Variants in PZP observed in about 807,000 individuals in gnomAD.
PZP encodes the protein pregnancy zone protein.
Under a neutral mutation model 179.8 loss-of-function variants are expected in PZP, and 150 were observed. That is an observed-to-expected ratio of 0.83 (90% confidence interval 0.73 to 0.96). PZP has a LOEUF of 0.96. Among genes scored for constraint, PZP ranks in the 40% least tolerant of loss-of-function variants. PZP has a pLI of 0.00. For missense variants in PZP, 1,689 were observed against 1,764.0 expected (o/e 0.96, Z 0.76); for synonymous variants, 624 against 652.3 (o/e 0.96, Z 0.66).
At position 9,192,756 on chromosome 12, in the gene PZP, G is replaced by A; in HGVS notation, c.1255-17C>T. ...AGTGAAAACCTGAGTAAACAGAAAA[G>A]CAAAGAAAGAATACTGTCTTGAAAT... On this transcript the variant is annotated splice_polypyrimidine_tract_variant and intron_variant, in intron 11 of 35. Transcript: ENST00000261336. The A allele has an allele frequency of 6.5e-7, 1 of 1,531,306 alleles. No individual in the cohort carries two copies. Among genetic ancestry groups the A allele is most frequent in the Non-Finnish European group, 9.0e-7 (1 of 1,107,472 alleles). The allele number at this position is 1,531,306 out of a possible 1,614,324, so 94.9% of individuals were successfully genotyped here.
At position 9,201,021 on chromosome 12, in the gene PZP, T is replaced by G. The variant is rs1944124785; in HGVS notation, c.541A>C (p.Lys181Gln). 6.2e-7 allele frequency: 1 copy of G among 1,613,978 alleles called. No homozygotes were observed. Among genetic ancestry groups the G allele is most frequent in the Non-Finnish European group, 8.5e-7 (1 of 1,179,986 alleles). ...RNRIAQWQSL[K>Q]LEAGINQLSF... ...AACTGATTGATGCCAGCTTCTAGCT[T>G]GAGACTCTGCCATTGTGCAATTCGA... Residue 181 changes from lysine to glutamine, a missense_variant, in exon 6 of 36, where the codon AAG becomes CAG. Lys to Gln is a moderately conservative substitution (Grantham distance 53). This residue lies in a region of PZP where 742 missense variants were observed against 730.5 expected (regional missense o/e 1.02). Transcript: ENST00000261336.
chr12:9,183,602 A>C (rs1432678382), intron 13 of PZP, among the ~76,000 whole-genome samples: 1 of 152,074 alleles, frequency 6.6e-6, no homozygotes, highest in African/African-American at 2.4e-5. Flanking sequence ...GGATCTTGCT[A>C]TGTAGCCCAG....
At chr12:9,165,815 T>C (rs1445748900) in intron 18 of PZP, among the ~76,000 whole-genome samples, 2 of 152,240 alleles carry the variant, frequency 1.3e-5, no homozygotes, top group African/African-American at 4.8e-5. Flanking sequence ...TGAATATTTA[T>C]AGTTCTCATG....
At chr12:9,142,666 C>T in the PZP span, among the ~76,000 whole-genome samples, 1 of 152,106 alleles carries the variant, frequency 6.6e-6, no homozygotes, top group East Asian at 1.9e-4. Context: ...GAAGAAAATC[C>T]AGTAGTTATA....
At chr12:9,149,633 C>T (rs752361049) in intron 34 of PZP, 31 bp from the exon 35 acceptor site, 69 of 1,606,906 alleles carry the variant, frequency 4.3e-5, no homozygotes, top group Middle Eastern at 1.7e-4. Context: ...AAGGAAGAAA[C>T]GAAAGATCTA....
chr12:9,149,937 A>G (rs1273201874), intron 34 of PZP, among the ~76,000 whole-genome samples: 1 of 152,108 alleles, frequency 6.6e-6, no homozygotes, highest in African/African-American at 2.4e-5. Context: ...ATTACTTTTC[A>G]AAGATTATTG....
At chr12:9,140,772 T>TA in the PZP span, among the ~76,000 whole-genome samples, 5 of 152,176 alleles carry the variant, frequency 3.3e-5, no homozygotes, top group African/African-American at 1.2e-4. Flanking sequence ...ATTCTTTACT[T>TA]ACCACAGGTC....
chr12:9,194,379 C>A, intron 10 of PZP, 141 bp from the exon 11 acceptor site: 3 of 632,252 alleles, frequency 4.7e-6, no homozygotes, highest in Admixed American at 3.0e-5. Context: ...ATATTTACGA[C>A]AAAATGTTTC....
At chr12:9,159,790 C>T in intron 25 of PZP, 148 bp downstream of exon 25, 1 of 706,482 alleles carries the variant, frequency 1.4e-6, no homozygotes, top group South Asian at 2.0e-5. Flanking sequence ...TATCAGCCTT[C>T]ATAGCTATAA....
the PZP span, among the ~76,000 whole-genome samples, chr12:9,140,612 A>G: frequency 6.6e-6 from 1 of 152,188 alleles, no homozygotes; most frequent in Admixed American, 6.5e-5. Flanking sequence ...CATTGATGGA[A>G]TTTTGTTCCA....
intron 7 of PZP, among the ~76,000 whole-genome samples, chr12:9,199,361 A>G (rs1000633611): frequency 6.6e-6 from 1 of 152,190 alleles, no homozygotes; most frequent in East Asian, 1.9e-4. Context: ...CAGGATTAGT[A>G]TTTATGGTAT....
In PZP at chr12:9,163,730, C is replaced by T; in HGVS notation, c.2674G>A (p.Glu892Lys). The T allele has an allele frequency of 6.2e-7, 1 of 1,613,970 alleles. No individual in the cohort carries two copies. The highest frequency in any genetic ancestry group is 8.5e-7 in the Non-Finnish European group (1 of 1,179,898). Reference sequence around the variant, plus strand: ...TTAATCTCAGGGACCTCAACAACCTCATTTCCACAGAGTTCTAAGGACTGC... The same window carrying T: ...TTAATCTCAGGGACCTCAACAACCTTATTTCCACAGAGTTCTAAGGACTGC... ...AMQSLELCGN[E>K]VVEVPEIKRK... The change falls in exon 21 of 36, where the codon GAG (glutamate) becomes AAG (lysine). Residue 892 changes from glutamate to lysine, a missense_variant. Glu to Lys is a moderately conservative substitution (Grantham distance 56). Transcript: ENST00000261336.
intron 15 of PZP, among the ~76,000 whole-genome samples, chr12:9,176,051 A>G (rs1368398256): frequency 1.3e-5 from 2 of 152,238 alleles, no homozygotes; most frequent in Non-Finnish European, 2.9e-5. Flanking sequence ...AAGACATGGA[A>G]TCAATCTAAA....
At chr12:9,187,136 A>G (rs1943179605) in intron 13 of PZP, among the ~76,000 whole-genome samples, 1 of 152,070 alleles carries the variant, frequency 6.6e-6, no homozygotes, top group Non-Finnish European at 1.5e-5. Flanking sequence ...ATTCAATGAG[A>G]AGACCTAACT....
At position 9,200,456 on chromosome 12, in the gene PZP, T is replaced by C. The variant is rs367893990; in HGVS notation, c.671-8A>G. The stretch of plus-strand genomic sequence containing the variant: ...CCTCAAACTTGGGAAGCACTGTTAA[T>C]AGAGATAATAGGAATAAGGAAGGTT... On this transcript the variant is annotated splice_polypyrimidine_tract_variant and splice_region_variant and intron_variant, in intron 6 of 35. Coordinates refer to ENST00000261336, the MANE Select transcript of PZP (RefSeq NM_002864.3). The C allele has an allele frequency of 1.3e-6, 2 of 1,579,772 alleles. No individual in the cohort carries two copies. The highest frequency in any genetic ancestry group is 8.7e-7 in the Non-Finnish European group (1 of 1,150,080).
Position 9,164,010 on chromosome 12 carries a change from GA to G in PZP, c.2614+122del, listed in dbSNP as rs762999559. On this transcript the variant is annotated intron_variant, in intron 20 of 35. Coordinates refer to ENST00000261336, the MANE Select transcript of PZP (RefSeq NM_002864.3). The stretch of plus-strand genomic sequence containing the variant: ...AGGAGGTCATAGTGGATAGAAATAG[GA>G]AAAAAAACTAACTTTATAGAATTAT... 2.7e-4 allele frequency: 369 copies of G among 1,355,386 alleles called. No individual in the cohort carries two copies. The African/African-American group carries it at 4.9e-3, about 18-fold the overall frequency. 84.0% of individuals were successfully genotyped at this position (1,355,386 alleles called of 1,614,324 possible).
At chr12:9,155,462 T>G (rs183481641) in intron 28 of PZP, among the ~76,000 whole-genome samples, 1 of 151,542 alleles carries the variant, frequency 6.6e-6, no homozygotes, top group African/African-American at 2.4e-5. Context: ...ATTAAAACTT[T>G]TGATTCTTGT....
At chr12:9,165,520 G>T (rs1248689705) in intron 18 of PZP, among the ~76,000 whole-genome samples, 153 bp from the exon 19 acceptor site, 3 of 152,152 alleles carry the variant, frequency 2.0e-5, no homozygotes, top group Non-Finnish European at 4.4e-5. Context: ...TTATGTCCTG[G>T]GATCTGAGTT....
At chr12:9,163,558 C>A in intron 21 of PZP, 110 bp downstream of exon 21, 1 of 1,258,150 alleles carries the variant, frequency 7.9e-7, no homozygotes, top group South Asian at 1.6e-5. Flanking sequence ...TTCCATTAGT[C>A]TTACAGGATG....
Sources: gnomAD v4.1 joint callset for allele counts (sites outside exome capture counted in the v4.1 genomes callset) on GRCh38, gnomAD v4.1.1 for gene constraint, gnomAD v4.1.1 regional missense constraint, MANE v1.5 for transcripts, NCBI Gene and HGNC (gene_info 2026-07-23, HGNC 2026-07-21) for gene names.